The following MED12L variants were observed in gnomAD, a reference collection of about 807,000 sequenced individuals.
MED12L encodes the protein mediator of RNA polymerase II transcription subunit 12-like protein.
MED12L carries 60 observed loss-of-function variants against 281.3 expected under a neutral mutation model. The ratio of observed to expected loss-of-function variants is 0.21; its 90% CI spans 0.17 to 0.26. The LOEUF (loss-of-function observed/expected upper bound fraction) is 0.26, where lower values mean the gene tolerates loss of function less well. Among genes scored for constraint, MED12L ranks in the 10% least tolerant of loss-of-function variants. MED12L has a pLI of 1.00. For missense variants in MED12L, 2,146 were observed against 2,680.9 expected, an observed-to-expected ratio of 0.80 and a Z score of 4.41; for synonymous variants, 974 against 987.2, an observed-to-expected ratio of 0.99 and a Z score of 0.25.
chr3:151,164,638 G>A lies in MED12L; in HGVS notation c.1257+596G>A, dbSNP rs575126832. On this transcript the variant is annotated intron_variant, in intron 9 of 44. Coordinates refer to ENST00000687756, the MANE Select transcript of MED12L (RefSeq NM_001393769.1). ...TGATTGACTGGATTAAGAAAATGTG[G>A]CACATATACACCATGGAATACTGTG... is the stretch of plus-strand genomic sequence containing the variant. 2.0e-5 allele frequency among the ~76,000 whole-genome samples: 3 copies of A among 152,264 alleles called. No individual in the cohort carries two copies. In the South Asian group the frequency reaches 6.2e-4, roughly 32 times the overall value.
chr3:151,397,419 G>A (rs1032562352), intron 39 of MED12L, among the ~76,000 whole-genome samples: 7 of 152,152 alleles, frequency 4.6e-5, no homozygotes, highest in African/African-American at 1.7e-4. Context: ...AGTACATCGA[G>A]CTAATGAGAT....
rs899624420 is a variant in MED12L at position 151,352,627 on chromosome 3, T to C, written c.2398+2421T>C. Among the ~76,000 whole-genome samples the C allele has an allele frequency of 4.2e-5, 4 of 94,978 alleles. No individual in the cohort carries two copies. In the East Asian group the frequency reaches 1.1e-3, roughly 27 times the overall value. The allele number at this position is 94,978 out of a possible 152,430, so 62.3% of individuals were successfully genotyped here. A position where few individuals can be genotyped will look rare whatever the true frequency, so the allele number is the denominator to read the frequency against. ...GATTTCTGGGAACACATGAAAATAATATTTTGAGGAACCAACTCATTTAGG... is the reference window on the plus strand; with the variant it reads ...GATTTCTGGGAACACATGAAAATAACATTTTGAGGAACCAACTCATTTAGG... On this transcript the variant is annotated intron_variant, in intron 17 of 44. Transcript: ENST00000687756.
intron 23 of MED12L, among the ~76,000 whole-genome samples, chr3:151,367,213 G>A (rs1175905568): frequency 1.3e-5 from 2 of 152,142 alleles, no homozygotes; most frequent in African/African-American, 2.4e-5. Flanking sequence ...AGTTACCACT[G>A]AAAGGAACTC....
intron 16 of MED12L, among the ~76,000 whole-genome samples, chr3:151,341,057 G>T (rs1214748415): frequency 6.6e-6 from 1 of 152,134 alleles, no homozygotes; most frequent in Non-Finnish European, 1.5e-5. Flanking sequence ...TTCGAAGTCT[G>T]CTTCCTGGAG....
chr3:151,152,683 A>G (rs1718717106), intron 5 of MED12L, among the ~76,000 whole-genome samples: 1 of 152,144 alleles, frequency 6.6e-6, no homozygotes, highest in African/African-American at 2.4e-5. Context: ...GCATATGTAT[A>G]TTATTAATGC....
At chr3:151,376,721 A>G in intron 28 of MED12L, 79 bp from the exon 29 acceptor site, 1 of 1,159,126 alleles carries the variant, frequency 8.6e-7, no homozygotes, top group Non-Finnish European at 1.3e-6. Context: ...CTTTCTTGAG[A>G]GAAGGAGTAC....
intron 16 of MED12L, among the ~76,000 whole-genome samples, chr3:151,271,049 TC>T (rs1740852955): frequency 6.6e-6 from 1 of 152,100 alleles, no homozygotes; most frequent in Non-Finnish European, 1.5e-5. Flanking sequence ...TTTAAAACTT[TC>T]ATTTTTTTTG....
intron 16 of MED12L, among the ~76,000 whole-genome samples, chr3:151,209,091 A>G (rs981914020): frequency 2.2e-4 from 34 of 152,236 alleles, no homozygotes; most frequent in African/African-American, 8.2e-4. Context: ...AACACCTTCA[A>G]AAAGTAACAA....
At chr3:151,116,262 T>TAA (rs2148736468) in intron 2 of MED12L, 76 bp from the exon 3 acceptor site, 1 of 960,992 alleles carries the variant, frequency 1.0e-6, no homozygotes, top group East Asian at 2.6e-5. Context: ...ATTTAGCCAT[T>TAA]ACTTAGGATG....
chr3:151,321,801 T>C (rs1229335010), intron 16 of MED12L, among the ~76,000 whole-genome samples: 1 of 152,162 alleles, frequency 6.6e-6, no homozygotes, highest in Non-Finnish European at 1.5e-5. Context: ...ATCTTGCCTT[T>C]TTCTTTCCCT....
intron 16 of MED12L, among the ~76,000 whole-genome samples, chr3:151,241,510 G>GGGACTGAT (rs1246483841): frequency 4.6e-5 from 7 of 152,134 alleles, no homozygotes; most frequent in Non-Finnish European, 1.5e-5. Flanking sequence ...TATAATGGAT[G>GGGACTGAT]GGACTGATGG....
intron 5 of MED12L, among the ~76,000 whole-genome samples, chr3:151,136,492 A>C (rs1248401059): frequency 6.6e-6 from 1 of 152,194 alleles, no homozygotes; most frequent in Non-Finnish European, 1.5e-5. Flanking sequence ...TTAAATTCAC[A>C]CTTTGCTTAG....
At chr3:151,306,703 G>C (rs1229030801) in intron 16 of MED12L, among the ~76,000 whole-genome samples, 1 of 152,216 alleles carries the variant, frequency 6.6e-6, no homozygotes, top group African/African-American at 2.4e-5. Context: ...AGGAAGAGCA[G>C]GCCGGTGTGC....
chr3:151,426,706 A>C (rs1560152901), intron 43 of MED12L, among the ~76,000 whole-genome samples: 1 of 152,282 alleles, frequency 6.6e-6, no homozygotes, highest in East Asian at 1.9e-4. Flanking sequence ...GTTAATACTA[A>C]ATATTGTTAT....
rs1723868634 is a variant in MED12L at position 151,190,769 on chromosome 3, C to G, written c.1806C>G (p.Leu602=). 6.2e-7 allele frequency: 1 copy of G among 1,614,100 alleles called. No homozygotes were observed. The highest frequency in any genetic ancestry group is 1.3e-5 in the African/African-American group (1 of 74,940). ...EKVEFVNLVL[L]FCEFIRHDVF... is the part of the protein sequence containing the mutation. ...TGGAATTTGTGAACCTGGTGCTGCT[C>G]TTCTGCGAGTTCATCCGCCATGATG... The change falls in exon 14 of 45, where the codon CTC becomes CTG. Residue 602 remains leucine (L), a synonymous_variant. Coordinates refer to ENST00000687756, the MANE Select transcript of MED12L (RefSeq NM_001393769.1).
intron 16 of MED12L, among the ~76,000 whole-genome samples, chr3:151,242,933 A>G (rs1303580163): frequency 8.6e-5 from 13 of 150,992 alleles, no homozygotes; most frequent in African/African-American, 3.2e-4. Context: ...GAGCTGATGG[A>G]GCTGAAAACC....
rs535554451 is a variant in MED12L, at chr3:151,364,973, C to A, written c.2958-6C>A. ...TCTGTTTTAACTTTTTTTCTTATAA[C>A]CTCAGTAGTGCCTGTTCAAAAGTAA... On this transcript the variant is annotated splice_polypyrimidine_tract_variant and splice_region_variant and intron_variant, in intron 21 of 44. Transcript: ENST00000687756. 10 of 1,603,536 alleles carry A rather than the reference C, an allele frequency of 6.2e-6. 1 individual carries two copies. The South Asian group carries it at 7.7e-5, about 12-fold the overall frequency.
Position 151,334,192 on chromosome 3 carries a change from C to CTTTTTTTTTTTTTTTTTTTTTTTT in MED12L, c.2251-15864_2251-15863insTTTTTTTTTTTTTTTTTTTTTTTT, listed in dbSNP as rs71848482. On this transcript the variant is annotated intron_variant, in intron 16 of 44. Coordinates refer to ENST00000687756, the MANE Select transcript of MED12L (RefSeq NM_001393769.1). Reference sequence around the variant, plus strand: ...GATGTTATGTGTTTTTTCTTTCTTTCTTTCTTTTTTTTTTTGCCATTTCTA... The same window carrying CTTTTTTTTTTTTTTTTTTTTTTTT: ...GATGTTATGTGTTTTTTCTTTCTTTCTTTTTTTTTTTTTTTTTTTTTTTTTTTCTTTTTTTTTTTGCCATTTCTA... Among the ~76,000 whole-genome samples the CTTTTTTTTTTTTTTTTTTTTTTTT allele has an allele frequency of 4.8e-4, 48 of 99,436 alleles. 1 individual carries two copies. The highest frequency in any genetic ancestry group is 7.2e-3 in the Middle Eastern group (1 of 138). The allele number at this position is 99,436 out of a possible 152,430, so 65.2% of individuals were successfully genotyped here. A position where few individuals can be genotyped will look rare whatever the true frequency, so the allele number is the denominator to read the frequency against.
intron 2 of MED12L, among the ~76,000 whole-genome samples, chr3:151,088,451 G>A (rs1386982877): frequency 6.6e-6 from 1 of 152,170 alleles, no homozygotes; most frequent in Non-Finnish European, 1.5e-5. Flanking sequence ...AAAAATTATT[G>A]GGAGGAAATT....
Sources: allele counts gnomAD v4.1 joint callset (sites outside exome capture counted in the v4.1 genomes callset), GRCh38; gene constraint gnomAD v4.1.1; transcripts MANE v1.5; gene names NCBI Gene and HGNC (gene_info 2026-07-23, HGNC 2026-07-21).